Variants in VAT1L observed in about 807,000 individuals in gnomAD.
The protein encoded by VAT1L is vesicle amine transport 1 like.
VAT1L carries 34 observed loss-of-function variants against 44.1 expected under a neutral mutation model. The observed-to-expected ratio is 0.77, with a 90% CI of 0.59 to 1.03. The LOEUF (loss-of-function observed/expected upper bound fraction) is 1.03, where lower values mean the gene tolerates loss of function less well. Among genes scored for constraint, VAT1L ranks in the 50% least tolerant of loss-of-function variants. The pLI is 0.00. For missense variants in VAT1L, 615 were observed against 538.8 expected (o/e 1.14, Z -1.40); for synonymous variants, 253 against 202.2 (o/e 1.25, Z -2.13).
intron 3 of VAT1L, among the ~76,000 whole-genome samples, chr16:77,853,372 T>G (rs1429209091): frequency 6.6e-6 from 1 of 152,154 alleles, no homozygotes; most frequent in East Asian, 1.9e-4. Flanking sequence ...ATTGAGCAAA[T>G]TAGAAGGATG....
intron 7 of VAT1L, among the ~76,000 whole-genome samples, chr16:77,934,425 G>C (rs1295311413): frequency 6.6e-6 from 1 of 151,978 alleles, no homozygotes; most frequent in Non-Finnish European, 1.5e-5. Flanking sequence ...GGGGAGATTT[G>C]AGCCAAGGAA....
intron 7 of VAT1L, among the ~76,000 whole-genome samples, chr16:77,963,265 T>G (rs1440760814): frequency 6.6e-6 from 1 of 152,078 alleles, no homozygotes; most frequent in Non-Finnish European, 1.5e-5. Context: ...GACTTGGGGA[T>G]GGGGAGATCC....
chr16:77,816,912 T>C lies in VAT1L; in HGVS notation c.234-9T>C. On this transcript the variant is annotated splice_polypyrimidine_tract_variant and intron_variant, in intron 1 of 8. Transcript: ENST00000302536. ...TGAATTTCTCTCCTTTCACATTTGC[T>C]CTTTACAGTGGATTAAACTTCATTG... 6.2e-7 allele frequency: 1 copy of C among 1,605,020 alleles called. No individual in the cohort carries two copies. Among genetic ancestry groups the C allele is most frequent in the Admixed American group, 1.7e-5 (1 of 58,384 alleles).
At chr16:77,900,922 T>G (rs980463390) in intron 7 of VAT1L, among the ~76,000 whole-genome samples, 2 of 152,016 alleles carry the variant, frequency 1.3e-5, no homozygotes, top group Non-Finnish European at 2.9e-5. Context: ...ATGATGCTTT[T>G]CTAAGCAGAG....
At position 77,968,754 on chromosome 16, in the gene VAT1L, G is replaced by A. The variant is rs570686867; in HGVS notation, c.1078-3096G>A. The stretch of plus-strand genomic sequence containing the variant: ...AAACAAACAAACAAAAAGAGCATGG[G>A]GACAGGCTCTGCTACGAGGGTTTGT... On this transcript the variant is annotated intron_variant, in intron 7 of 8. Transcript: ENST00000302536. 2.8e-4 allele frequency among the ~76,000 whole-genome samples: 42 copies of A among 151,984 alleles called. No individual in the cohort carries two copies. In the East Asian group the frequency reaches 7.6e-3, roughly 27 times the overall value.
intron 3 of VAT1L, among the ~76,000 whole-genome samples, chr16:77,831,448 C>T (rs1033264569): frequency 6.6e-6 from 1 of 152,156 alleles, no homozygotes; most frequent in Admixed American, 6.5e-5. Context: ...AAAGGTGCTG[C>T]TTCCATGTAT....
At chr16:77,824,485 G>A (rs1477761660) in intron 2 of VAT1L, among the ~76,000 whole-genome samples, 1 of 152,130 alleles carries the variant, frequency 6.6e-6, no homozygotes, top group Non-Finnish European at 1.5e-5. Flanking sequence ...GCCAGGCACG[G>A]TGGCTCACGC....
rs372548678 is a variant in VAT1L at position 77,945,530 on chromosome 16, T to G, written c.1078-26320T>G. On this transcript the variant is annotated intron_variant, in intron 7 of 8. Coordinates refer to ENST00000302536, the MANE Select transcript of VAT1L (RefSeq NM_020927.3). Reference sequence around the variant, plus strand: ...GTCTCGAATTCCTGGCCTCAAGCGATTGTCCTGCCTCAGCCTCCTAAAGCA... The same window carrying G: ...GTCTCGAATTCCTGGCCTCAAGCGAGTGTCCTGCCTCAGCCTCCTAAAGCA... 3.5e-4 allele frequency among the ~76,000 whole-genome samples: 54 copies of G among 152,124 alleles called. 1 individual carries two copies. The highest frequency in any genetic ancestry group is 9.8e-4 in the Admixed American group (15 of 15,284).
intron 7 of VAT1L, among the ~76,000 whole-genome samples, chr16:77,901,107 G>A (rs1420748181): frequency 6.1e-5 from 9 of 146,920 alleles, no homozygotes; most frequent in Non-Finnish European, 1.5e-5. Context: ...GGCTGATGTT[G>A]AGATATACAA....
chr16:77,817,051 G>A lies in VAT1L; in HGVS notation c.363+1G>A. The A allele has an allele frequency of 1.9e-6, 3 of 1,612,062 alleles. No homozygotes were observed. The highest frequency in any genetic ancestry group is 2.5e-6 in the Non-Finnish European group (3 of 1,179,352). On this transcript the variant is annotated splice_donor_variant, in intron 2 of 8. Transcript: ENST00000302536. LOFTEE classifies it high-confidence loss of function. Reference sequence around the variant, plus strand: ...GGGGGACAGCGTGAAAGGATATGAGGTAATGTTTGGCTCTCAATTGAAGAG... The same window carrying A: ...GGGGGACAGCGTGAAAGGATATGAGATAATGTTTGGCTCTCAATTGAAGAG...
intron 7 of VAT1L, among the ~76,000 whole-genome samples, chr16:77,911,097 C>G (rs1245516022): frequency 6.6e-6 from 1 of 152,218 alleles, no homozygotes; most frequent in East Asian, 1.9e-4. Flanking sequence ...TTGCAGTAAC[C>G]TGCCAGTGTA....
At chr16:77,922,473 G>C (rs1329536970) in intron 7 of VAT1L, among the ~76,000 whole-genome samples, 1 of 152,130 alleles carries the variant, frequency 6.6e-6, no homozygotes, top group Non-Finnish European at 1.5e-5. Flanking sequence ...TCCTGCCTTG[G>C]CCTCAGAATG....
At chr16:77,798,911 G>C (rs185922957) in intron 1 of VAT1L, among the ~76,000 whole-genome samples, 1 of 151,398 alleles carries the variant, frequency 6.6e-6, no homozygotes, top group East Asian at 2.0e-4. Context: ...AGCCCTGCTG[G>C]CCATCATGAT....
chr16:77,844,550 A>C (rs956245528), intron 3 of VAT1L, among the ~76,000 whole-genome samples: 2 of 152,122 alleles, frequency 1.3e-5, no homozygotes, highest in East Asian at 1.9e-4. Flanking sequence ...GTGGGACTAC[A>C]GGTGCCCACC....
Position 77,964,779 on chromosome 16 carries a change from CTTTTTTTTTTT to C in VAT1L, c.1078-7049_1078-7039del, listed in dbSNP as rs10566511. Among the ~76,000 whole-genome samples the C allele has an allele frequency of 4.6e-3, 425 of 91,886 alleles. 7 individuals carry two copies. Among genetic ancestry groups the C allele is most frequent in the African/African-American group, 0.023 (378 of 16,260 alleles). The allele number at this position is 91,886 out of a possible 152,430, so 60.3% of individuals were successfully genotyped here. ...AACACTGCTCACGCCCTTTGTAGCA[CTTTTTTTTTTT>C]TTTTTTTTTTTTTTTTTTTTTAGAT... On this transcript the variant is annotated intron_variant, in intron 7 of 8. Transcript: ENST00000302536.
At chr16:77,970,595 T>C (rs2018268673) in intron 7 of VAT1L, among the ~76,000 whole-genome samples, 1 of 152,226 alleles carries the variant, frequency 6.6e-6, no homozygotes, top group African/African-American at 2.4e-5. Flanking sequence ...AGAGTCATTA[T>C]TTACTTAATC....
chr16:77,958,942 T>C (rs2018133420), intron 7 of VAT1L, among the ~76,000 whole-genome samples: 3 of 152,214 alleles, frequency 2.0e-5, no homozygotes, highest in Admixed American at 1.3e-4. Context: ...TTATAATAGC[T>C]GGTTGAATGT....
chr16:77,832,595 C>T, intron 3 of VAT1L, among the ~76,000 whole-genome samples: 1 of 152,210 alleles, frequency 6.6e-6, no homozygotes, highest in Admixed American at 6.5e-5. Context: ...CTCTGATCAC[C>T]ACAGCCTGGG....
chr16:77,860,962 C>G (rs59359622), intron 3 of VAT1L, among the ~76,000 whole-genome samples: 5,543 of 152,222 alleles, frequency 0.036, 281 homozygotes, highest in African/African-American at 0.11. Flanking sequence ...ACCAGGAGAC[C>G]TTACTTTGAA....
Sources: allele counts gnomAD v4.1 joint callset (sites outside exome capture counted in the v4.1 genomes callset), GRCh38; gene constraint gnomAD v4.1.1; transcripts MANE v1.5; gene names NCBI Gene and HGNC (gene_info 2026-07-23, HGNC 2026-07-21).